MCTP2: variants seen among roughly 807,000 people sequenced by gnomAD.
MCTP2 encodes multiple C2 and transmembrane domain-containing protein 2.
Under a neutral mutation model 111.6 loss-of-function variants are expected in MCTP2, and 132 were observed. The observed-to-expected ratio is 1.18, with a 90% CI of 1.03 to 1.37. The LOEUF (loss-of-function observed/expected upper bound fraction) is 1.37. Ranked by LOEUF, MCTP2 falls within the 40% of genes most tolerant of loss-of-function variation. MCTP2 has a pLI of 0.00. For missense variants in MCTP2, 1,183 were observed against 1,067.9 expected, an observed-to-expected ratio of 1.11 and a Z score of -1.50; for synonymous variants, 395 against 387.7, an observed-to-expected ratio of 1.02 and a Z score of -0.22.
At chr15:94,362,315 A>G (rs1299579637) in intron 10 of MCTP2, among the ~76,000 whole-genome samples, 3 of 152,156 alleles carry the variant, frequency 2.0e-5, no homozygotes, top group African/African-American at 7.2e-5. Context: ...AATCATACCA[A>G]TTTCTTAAAG....
Position 94,243,112 on chromosome 15 carries a change from T to TACAC in MCTP2, c.-66+11448_-66+11449insACAC, listed in dbSNP as rs1440573871. ...ATACGTGTATATGTGTATCTACGGG[T>TACAC]GTGTATATATGTATCTACGGGTGTG... On this transcript the variant is annotated intron_variant, in intron 1 of 22. Transcript: ENST00000357742. Among the ~76,000 whole-genome samples the TACAC allele has an allele frequency of 2.1e-5, 3 of 144,018 alleles. 1 individual carries two copies. The South Asian group carries it at 6.6e-4, about 32-fold the overall frequency. 94.5% of individuals were successfully genotyped at this position (144,018 alleles called of 152,430 possible).
intron 17 of MCTP2, among the ~76,000 whole-genome samples, chr15:94,435,629 CTTTTTTTTTT>C (rs202170550): frequency 8.5e-6 from 1 of 117,922 alleles, no homozygotes; most frequent in Non-Finnish European, 1.8e-5. Flanking sequence ...TTTTTTTATT[CTTTTTTTTTT>C]TTTTTTTTTT....
chr15:94,395,976 G>A (rs576554404), intron 14 of MCTP2, among the ~76,000 whole-genome samples: 5 of 152,154 alleles, frequency 3.3e-5, no homozygotes, highest in Non-Finnish European at 5.9e-5. Context: ...CTGATGAGGG[G>A]TGTTTGCATT....
intron 17 of MCTP2, among the ~76,000 whole-genome samples, chr15:94,432,091 A>C (rs992015282): frequency 6.6e-6 from 1 of 152,218 alleles, no homozygotes; most frequent in Non-Finnish European, 1.5e-5. Flanking sequence ...AGTACCTTAC[A>C]CTAGAAGAAA....
intron 2 of MCTP2, among the ~76,000 whole-genome samples, chr15:94,310,610 G>A (rs1187196067): frequency 3.3e-5 from 5 of 151,862 alleles, no homozygotes; most frequent in African/African-American, 7.3e-5. Flanking sequence ...GCTGGTGTGC[G>A]ACAGTTATGG....
chr15:94,464,232 TATATATA>T (rs993265269), intron 20 of MCTP2, among the ~76,000 whole-genome samples: 1 of 57,834 alleles, frequency 1.7e-5, no homozygotes, highest in African/African-American at 5.7e-5. Context: ...TATATGTTTA[TATATATA>T]ATATATATAT....
intron 17 of MCTP2, among the ~76,000 whole-genome samples, chr15:94,405,547 C>T (rs917764220): frequency 6.6e-6 from 1 of 152,206 alleles, no homozygotes; most frequent in African/African-American, 2.4e-5. Flanking sequence ...CCAAGCATCA[C>T]CTTCCTCTAC....
intron 19 of MCTP2, among the ~76,000 whole-genome samples, chr15:94,446,931 TAAG>T (rs980389771): frequency 6.6e-6 from 1 of 152,186 alleles, no homozygotes; most frequent in African/African-American, 2.4e-5. Flanking sequence ...TTTAAGAAAA[TAAG>T]AAACATCTAA....
intron 1 of MCTP2, among the ~76,000 whole-genome samples, chr15:94,234,915 G>A (rs1033983157): frequency 2.0e-5 from 3 of 152,136 alleles, no homozygotes; most frequent in Admixed American, 6.5e-5. Context: ...TTACTCTGAT[G>A]GAGTCCAGGA....
intron 2 of MCTP2, among the ~76,000 whole-genome samples, chr15:94,304,695 G>A (rs1055134314): frequency 6.6e-6 from 1 of 152,116 alleles, no homozygotes; most frequent in African/African-American, 2.4e-5. Context: ...GAATGCATGG[G>A]CTCCATGCTG....
chr15:94,325,820 T>A (rs1161809269), intron 4 of MCTP2, among the ~76,000 whole-genome samples: 3 of 123,084 alleles, frequency 2.4e-5, no homozygotes, highest in South Asian at 5.9e-4. Flanking sequence ...CGATTTTTTT[T>A]TTTTTTTTTT....
intron 1 of MCTP2, among the ~76,000 whole-genome samples, chr15:94,243,947 A>G (rs181522981): frequency 5.9e-4 from 86 of 146,790 alleles, no homozygotes; most frequent in African/African-American, 2.1e-3. Flanking sequence ...ACATACATAT[A>G]TGTGTATATA....
At chr15:94,434,953 C>A (rs2083390607) in intron 17 of MCTP2, among the ~76,000 whole-genome samples, 1 of 151,608 alleles carries the variant, frequency 6.6e-6, no homozygotes, top group Admixed American at 6.6e-5. Context: ...AACCTCCGCT[C>A]CTCGGGTTCA....
At chr15:94,310,584 A>G (rs1376315061) in intron 2 of MCTP2, among the ~76,000 whole-genome samples, 1 of 152,154 alleles carries the variant, frequency 6.6e-6, no homozygotes, top group East Asian at 1.9e-4. Context: ...AGGCTAGGAG[A>G]TGGAGACCAG....
intron 1 of MCTP2, among the ~76,000 whole-genome samples, chr15:94,276,517 AAGT>A (rs1308812218): frequency 3.3e-5 from 5 of 151,970 alleles, no homozygotes; most frequent in African/African-American, 1.2e-4. Flanking sequence ...TCTTTGCTGA[AAGT>A]AGTATAACAC....
intron 12 of MCTP2, 43 bp from the exon 13 acceptor site, chr15:94,383,979 G>T: frequency 7.1e-7 from 1 of 1,401,992 alleles, no homozygotes; most frequent in Non-Finnish European, 1.0e-6. Flanking sequence ...TGTCCCTTTC[G>T]AGATTCACTT....
At chr15:94,329,709 G>C (rs1216038821) in intron 4 of MCTP2, among the ~76,000 whole-genome samples, 1 of 152,104 alleles carries the variant, frequency 6.6e-6, no homozygotes, top group South Asian at 2.1e-4. Flanking sequence ...TCAATATGAG[G>C]TGTGGATGGG....
At chr15:94,327,232 T>A (rs2076925470) in intron 4 of MCTP2, among the ~76,000 whole-genome samples, 1 of 152,228 alleles carries the variant, frequency 6.6e-6, no homozygotes, top group African/African-American at 2.4e-5. Context: ...TTTCATTTAT[T>A]TCTTTGATCT....
intron 1 of MCTP2, among the ~76,000 whole-genome samples, chr15:94,232,186 A>C (rs570037346): frequency 6.6e-6 from 1 of 152,352 alleles, no homozygotes; most frequent in East Asian, 1.9e-4. Context: ...AAATAAAGAC[A>C]GTGATGTTGG....
Sources: allele counts gnomAD v4.1 joint callset (sites outside exome capture counted in the v4.1 genomes callset), GRCh38; gene constraint gnomAD v4.1.1; transcripts MANE v1.5; gene names NCBI Gene and HGNC (gene_info 2026-07-23, HGNC 2026-07-21).